Variants in ANK3 observed in about 807,000 individuals in gnomAD.
ANK3 encodes the protein ankyrin 3, also known as ankyrin-3.
A neutral mutation model predicts 370.9 loss-of-function variants in ANK3; 57 were observed. That is an observed-to-expected ratio of 0.15 (90% CI 0.12 to 0.19). ANK3 has a LOEUF of 0.19. Ranked by LOEUF, ANK3 falls within the 10% of genes least tolerant of loss-of-function variation. The pLI is 1.00. For synonymous variants in ANK3, 1,929 were observed against 1,946.3 expected (o/e 0.99, Z 0.23); for missense variants, 4,439 against 5,302.1 (o/e 0.84, Z 5.06).
At chr10:60,526,804 T>C (rs1367943306) in intron 2 of ANK3, among the ~76,000 whole-genome samples, 2 of 152,162 alleles carry the variant, frequency 1.3e-5, no homozygotes, top group Non-Finnish European at 2.9e-5. Flanking sequence ...GTGCAGTTTA[T>C]TGTTTTTGCC....
intron 1 of ANK3, among the ~76,000 whole-genome samples, chr10:60,715,418 T>A (rs1305322420): frequency 6.6e-6 from 1 of 152,074 alleles, no homozygotes; most frequent in Non-Finnish European, 1.5e-5. Context: ...CAGACACACA[T>A]AATATCTGGT....
In ANK3 at chr10:60,687,549, C is replaced by T. The variant is rs114151814; in HGVS notation, c.57+45714G>A. ...GTATAAAAAAAAACACACACACACA[C>T]ACACATGCACAACAAGCATTGGTGA... is the stretch of plus-strand genomic sequence containing the variant. On this transcript the variant is annotated intron_variant, in intron 1 of 43. Transcript: ENST00000373827. Among the ~76,000 whole-genome samples the T allele has an allele frequency of 2.9e-3, 444 of 152,070 alleles. 3 individuals carry two copies. The highest frequency in any genetic ancestry group is 0.01 in the African/African-American group (422 of 41,464).
Position 60,395,556 on chromosome 10 carries a change from C to CTTTCTTTCT in ANK3, c.97-115926_97-115918dup, listed in dbSNP as rs1352419508. ...TAGCAATCAACTACTATGCCTCTTTCTTTCTTTCTTTCTTTCTTTCTTTCT... is the reference window on the plus strand; with the variant it reads ...TAGCAATCAACTACTATGCCTCTTTCTTTCTTTCTTTTCTTTCTTTCTTTCTTTCTTTCT... On this transcript the variant is annotated intron_variant, in intron 2 of 43. Transcript: ENST00000373827. Among the ~76,000 whole-genome samples, 21 of 73,130 alleles carry CTTTCTTTCT rather than the reference C, an allele frequency of 2.9e-4. No individual in the cohort carries two copies. The South Asian group carries it at 6.6e-3, about 23-fold the overall frequency. 48.0% of individuals were successfully genotyped at this position (73,130 alleles called of 152,430 possible). A position where few individuals can be genotyped will look rare whatever the true frequency, so the allele number is the denominator to read the frequency against.
intron 1 of ANK3, among the ~76,000 whole-genome samples, chr10:60,645,076 A>G (rs1281472191): frequency 6.6e-6 from 1 of 152,090 alleles, no homozygotes; most frequent in African/African-American, 2.4e-5. Flanking sequence ...TTAATTTTAG[A>G]TATTTCTGGA....
At chr10:60,034,054 G>A (rs1032307545) in intron 43 of ANK3, among the ~76,000 whole-genome samples, 11 of 151,186 alleles carry the variant, frequency 7.3e-5, no homozygotes, top group African/African-American at 2.7e-4. Context: ...TGATTCAGTA[G>A]GTCAGTGTGT....
At chr10:60,598,364 G>A (rs1254808881) in intron 2 of ANK3, among the ~76,000 whole-genome samples, 1 of 152,058 alleles carries the variant, frequency 6.6e-6, no homozygotes, top group Non-Finnish European at 1.5e-5. Flanking sequence ...CAGTTCCTTA[G>A]CAAATCCTTC....
At chr10:60,407,604 T>C (rs1365155210) in intron 2 of ANK3, among the ~76,000 whole-genome samples, 1 of 152,208 alleles carries the variant, frequency 6.6e-6, no homozygotes, top group Non-Finnish European at 1.5e-5. Flanking sequence ...ATTTATACAT[T>C]CATCAATGTG....
chr10:60,065,579 A>G (rs2081476832), intron 38 of ANK3, among the ~76,000 whole-genome samples: 1 of 152,210 alleles, frequency 6.6e-6, no homozygotes, highest in Admixed American at 6.5e-5. Context: ...ATTTATATAC[A>G]TGAATGTTCA....
chr10:60,426,338 A>C (rs1049241981), intron 2 of ANK3, among the ~76,000 whole-genome samples: 1 of 152,088 alleles, frequency 6.6e-6, no homozygotes, highest in Admixed American at 6.6e-5. Context: ...ATGTCCCTAA[A>C]TTTAGTCACA....
chr10:60,216,972 A>G (rs1409829821), intron 8 of ANK3, among the ~76,000 whole-genome samples: 1 of 152,146 alleles, frequency 6.6e-6, no homozygotes, highest in African/African-American at 2.4e-5. Context: ...CAGGGATTCA[A>G]TATCTTCCTG....
chr10:60,438,388 G>C (rs1336267265), intron 2 of ANK3, among the ~76,000 whole-genome samples: 1 of 152,062 alleles, frequency 6.6e-6, no homozygotes, highest in Admixed American at 6.5e-5. Context: ...TGAAAGGATG[G>C]GATATGAAGC....
intron 1 of ANK3, among the ~76,000 whole-genome samples, chr10:60,696,150 A>G (rs1228735433): frequency 1.3e-5 from 2 of 149,896 alleles, no homozygotes; most frequent in Non-Finnish European, 3.0e-5. Flanking sequence ...TAGAAAATCT[A>G]GAAGTCATGG....
intron 25 of ANK3, among the ~76,000 whole-genome samples, chr10:60,122,759 T>C (rs548952202): frequency 2.0e-5 from 3 of 152,244 alleles, no homozygotes; most frequent in Admixed American, 6.5e-5. Context: ...CTTTCACTTA[T>C]ATTAGCTCAT....
chr10:60,217,357 C>T (rs547427423), intron 8 of ANK3, among the ~76,000 whole-genome samples: 10 of 152,092 alleles, frequency 6.6e-5, no homozygotes, highest in East Asian at 3.9e-4. Context: ...ATTAGGGTGT[C>T]GATCTGAGAT....
intron 1 of ANK3, among the ~76,000 whole-genome samples, chr10:60,389,223 A>G (rs1280251353): frequency 6.6e-6 from 1 of 152,000 alleles, no homozygotes; most frequent in Non-Finnish European, 1.5e-5. Context: ...CAATCACCCC[A>G]CAGGAGAAAA....
intron 1 of ANK3, among the ~76,000 whole-genome samples, chr10:60,290,886 T>C (rs1271722480): frequency 7.2e-5 from 11 of 152,160 alleles, no homozygotes; most frequent in Admixed American, 1.3e-4. Flanking sequence ...CAGGCTTTTG[T>C]TTTTGTAAAG....
chr10:60,299,588 G>A (rs1390207287), intron 1 of ANK3, among the ~76,000 whole-genome samples: 1 of 152,070 alleles, frequency 6.6e-6, no homozygotes, highest in Admixed American at 6.6e-5. Context: ...GAGATCACAT[G>A]ACCATTTTCA....
intron 1 of ANK3, among the ~76,000 whole-genome samples, chr10:60,678,138 T>C (rs1325746903): frequency 6.6e-6 from 1 of 152,156 alleles, no homozygotes; most frequent in Non-Finnish European, 1.5e-5. Flanking sequence ...ACAAAGGCAA[T>C]GATAAAAGCT....
chr10:60,461,291 A>G (rs2064877326), intron 2 of ANK3, among the ~76,000 whole-genome samples: 1 of 152,210 alleles, frequency 6.6e-6, no homozygotes, highest in Non-Finnish European at 1.5e-5. Context: ...TATACTTACC[A>G]TGCTACTTCT....
Sources: gnomAD v4.1 joint callset for allele counts (sites outside exome capture counted in the v4.1 genomes callset) on GRCh38, gnomAD v4.1.1 for gene constraint, MANE v1.5 for transcripts, NCBI Gene and HGNC (gene_info 2026-07-23, HGNC 2026-07-21) for gene names.